The following GALR1 variants were observed in gnomAD, a reference collection of about 807,000 sequenced individuals.
The protein encoded by GALR1 is galanin receptor 1, also known as galanin receptor type 1.
In GALR1, 11 loss-of-function variants were observed where a neutral mutation model predicts 17.9. That is an observed-to-expected ratio of 0.62 (90% CI 0.39 to 1.02). The LOEUF (loss-of-function observed/expected upper bound fraction) is 1.02. Among genes scored for constraint, GALR1 ranks in the 50% least tolerant of loss-of-function variants. The probability of loss-of-function intolerance (pLI) is 0.01; values close to 1 mark genes in which losing one functional copy is unlikely to be tolerated. For synonymous variants in GALR1, 206 were observed against 205.7 expected (o/e 1.00, Z -0.01); for missense variants, 441 against 456.9 (o/e 0.97, Z 0.32).
chr18:77,251,787 G>A (rs1912424730), intron 1 of GALR1, among the ~76,000 whole-genome samples: 1 of 152,230 alleles, frequency 6.6e-6, no homozygotes, highest in Non-Finnish European at 1.5e-5. Flanking sequence ...TCTCCCCCGG[G>A]GTGCGCAGTT....
chr18:77,254,330 G>C (rs1912538179), intron 1 of GALR1, among the ~76,000 whole-genome samples: 1 of 152,224 alleles, frequency 6.6e-6, no homozygotes, highest in Non-Finnish European at 1.5e-5. Context: ...AGCTATTGAA[G>C]AGAAGCAGAG....
rs955193260 is a variant in GALR1 at position 77,250,178 on chromosome 18, G to T, written c.-371G>T. Among the ~76,000 whole-genome samples, 3 of 152,212 alleles carry T rather than the reference G, an allele frequency of 2.0e-5. No individual in the cohort carries two copies. Among genetic ancestry groups the T allele is most frequent in the African/African-American group, 7.2e-5 (3 of 41,464 alleles). ...CGGCGAAGATCTGGAGCGGTAAGGC[G>T]GAGAGAAGGGTCTTTCCACCTGCGC... On this transcript the variant is annotated 5_prime_UTR_variant, in exon 1 of 3. Coordinates refer to ENST00000299727, the MANE Select transcript of GALR1 (RefSeq NM_001480.4).
At position 77,277,234 on chromosome 18, in the gene GALR1, G is replaced by A. The variant is rs1237504522; in HGVS notation, c.*8332G>A. The A allele has an allele frequency of 1.3e-5, 2 of 152,100 alleles. No individual in the cohort carries two copies. The highest frequency in any genetic ancestry group is 3.8e-4 in the East Asian group (2 of 5,198). The allele number at this position is 152,100 out of a possible 1,614,324, so 9.4% of individuals were successfully genotyped here. On this transcript the variant is annotated 3_prime_UTR_variant, in exon 3 of 3. Transcript: ENST00000299727. ...TACTGTATTTTTAAATTTTAATAAGGTTTGATATGGTTTGGCTCTGTGTCT... is the reference window on the plus strand; with the variant it reads ...TACTGTATTTTTAAATTTTAATAAGATTTGATATGGTTTGGCTCTGTGTCT...
intron 1 of GALR1, among the ~76,000 whole-genome samples, chr18:77,255,446 A>T (rs1329207650): frequency 6.6e-6 from 1 of 152,198 alleles, no homozygotes; most frequent in Non-Finnish European, 1.5e-5. Context: ...ATGTTCTGTA[A>T]ATCATCAGTG....
intron 2 of GALR1, among the ~76,000 whole-genome samples, chr18:77,266,863 G>A (rs986689665): frequency 6.6e-6 from 1 of 152,156 alleles, no homozygotes; most frequent in Non-Finnish European, 1.5e-5. Flanking sequence ...GGAGATTATG[G>A]GAATGACAAT....
At chr18:77,257,000 T>G (rs1212368248) in intron 2 of GALR1, among the ~76,000 whole-genome samples, 1 of 152,242 alleles carries the variant, frequency 6.6e-6, no homozygotes, top group Non-Finnish European at 1.5e-5. Context: ...AGTAGGAGGT[T>G]ATAACCAGAT....
chr18:77,268,445 A>G (rs1347242374), intron 2 of GALR1, 140 bp from the exon 3 acceptor site: 3 of 632,332 alleles, frequency 4.7e-6, no homozygotes, highest in Non-Finnish European at 8.3e-6. Flanking sequence ...TGATCTCATG[A>G]AAATATACAT....
intron 1 of GALR1, among the ~76,000 whole-genome samples, chr18:77,252,972 CACCACCATCACCACCAT>C (rs1912493356): frequency 3.2e-4 from 14 of 44,034 alleles, no homozygotes; most frequent in East Asian, 1.0e-3. Flanking sequence ...CCACCACCAT[CACCACCATCACCACCAT>C]CACCACCACC....
At chr18:77,258,581 C>CATGGTGGTGATGGTGGTGGTGGTG (rs1912653488) in intron 2 of GALR1, among the ~76,000 whole-genome samples, 23 of 18,064 alleles carry the variant, frequency 1.3e-3, no homozygotes, top group South Asian at 6.4e-3. Context: ...TGGTGGTGGT[C>CATGGTGGTGATGGTGGTGGTGGTG]ATGGTGGTGA....
chr18:77,268,343 A>G (rs1284685933), intron 2 of GALR1, among the ~76,000 whole-genome samples: 1 of 152,162 alleles, frequency 6.6e-6, no homozygotes, highest in Non-Finnish European at 1.5e-5. Flanking sequence ...AATTATTACT[A>G]TGGAAGGTAA....
At chr18:77,263,517 G>A (rs1317490786) in intron 2 of GALR1, among the ~76,000 whole-genome samples, 2 of 152,152 alleles carry the variant, frequency 1.3e-5, no homozygotes, top group Non-Finnish European at 2.9e-5. Context: ...CTTATGGCAT[G>A]GCCAGGTGGG....
chr18:77,268,189 AGATGC>A (rs1395959217), intron 2 of GALR1, among the ~76,000 whole-genome samples: 2 of 152,158 alleles, frequency 1.3e-5, no homozygotes, highest in Admixed American at 6.5e-5. Context: ...CGCTCCTCCG[AGATGC>A]ATTGCTGGTG....
At chr18:77,267,821 G>C (rs919733703) in intron 2 of GALR1, among the ~76,000 whole-genome samples, 4 of 152,188 alleles carry the variant, frequency 2.6e-5, no homozygotes, top group African/African-American at 9.7e-5. Flanking sequence ...TTTGTGGCCA[G>C]TGGAGGAGGC....
rs1555673522 is a variant in GALR1 at position 77,271,250 on chromosome 18, C to CCT, written c.*2349_*2350insTC. On this transcript the variant is annotated 3_prime_UTR_variant, in exon 3 of 3. Transcript: ENST00000299727. ...AAGTAATAGCTTGCGCTTGAAACCC[C>CCT]CCCCCCCCCGCCACTTTGCTAAATG... The CCT allele has an allele frequency of 9.6e-6, 1 of 104,688 alleles. No individual in the cohort carries two copies. Among genetic ancestry groups the CCT allele is most frequent in the Non-Finnish European group, 2.0e-5 (1 of 50,882 alleles). 6.5% of individuals were successfully genotyped at this position (104,688 alleles called of 1,614,324 possible).
chr18:77,251,044 ATGGCCTCGCCCG>A lies in GALR1; in HGVS notation c.503_514del (p.Ser168_Ala171del). On this transcript the variant is annotated inframe_deletion, in exon 1 of 3. Transcript: ENST00000299727. ...CTGCATCTGGGCGCTGTCCATTGCC[ATGGCCTCGCCCG>A]TGGCCTACCACCAGGGCCTCTTCCA... 6.2e-7 allele frequency: 1 copy of A among 1,606,762 alleles called. No homozygotes were observed. The highest frequency in any genetic ancestry group is 8.5e-7 in the Non-Finnish European group (1 of 1,179,832).
rs1231817359 is a variant in GALR1, at chr18:77,250,011, G to A, written c.-538G>A. ...CCACTGGGGAGGTGGCGCTGGGCGC[G>A]CGGGATGCGCGGGGAGCCTTCTCTG... On this transcript the variant is annotated 5_prime_UTR_variant, in exon 1 of 3. Coordinates refer to ENST00000299727, the MANE Select transcript of GALR1 (RefSeq NM_001480.4). 2.0e-5 allele frequency among the ~76,000 whole-genome samples: 3 copies of A among 152,094 alleles called. No homozygotes were observed. Among genetic ancestry groups the A allele is most frequent in the African/African-American group, 7.2e-5 (3 of 41,400 alleles).
chr18:77,252,950 T>TCACCAC (rs1912485693), intron 1 of GALR1, among the ~76,000 whole-genome samples: 17 of 25,260 alleles, frequency 6.7e-4, no homozygotes, highest in East Asian at 1.1e-3. Context: ...ACCACCACCA[T>TCACCAC]CACCACCATC....
rs1472296684 is a variant in GALR1, at chr18:77,250,337, A to C, written c.-212A>C. Among the ~76,000 whole-genome samples the C allele has an allele frequency of 4.0e-5, 6 of 151,850 alleles. No homozygotes were observed. Among genetic ancestry groups the C allele is most frequent in the African/African-American group, 1.5e-4 (6 of 41,324 alleles). ...GGTCCAGCTCCGGGCTCCCGAACCC[A>C]CCCTCTCTCAGAAGGTCCCGGCGCA... is the stretch of plus-strand genomic sequence containing the variant. On this transcript the variant is annotated 5_prime_UTR_variant, in exon 1 of 3. Transcript: ENST00000299727.
intron 2 of GALR1, among the ~76,000 whole-genome samples, chr18:77,261,863 G>T (rs1225091234): frequency 6.6e-6 from 1 of 152,096 alleles, no homozygotes; most frequent in East Asian, 1.9e-4. Flanking sequence ...TTGCTTTGTT[G>T]CCCAGGCTGG....
Sources: gnomAD v4.1 joint callset for allele counts (sites outside exome capture counted in the v4.1 genomes callset) on GRCh38, gnomAD v4.1.1 for gene constraint, MANE v1.5 for transcripts, NCBI Gene and HGNC (gene_info 2026-07-23, HGNC 2026-07-21) for gene names.